The following DENND1A variants were observed in gnomAD, a reference collection of about 807,000 sequenced individuals.
The protein encoded by DENND1A is DENN domain containing 1A, also known as DENN domain-containing protein 1A.
Under a neutral mutation model 113.7 loss-of-function variants are expected in DENND1A, and 51 were observed. The ratio of observed to expected loss-of-function variants is 0.45; its 90% CI spans 0.36 to 0.57. DENND1A has a LOEUF of 0.57. DENND1A is among the 20% of genes least tolerant of loss of function. The pLI is 0.00. For missense variants in DENND1A, 1,258 were observed against 1,395.9 expected (o/e 0.90, Z 1.57); for synonymous variants, 565 against 570.8 (o/e 0.99, Z 0.14).
intron 12 of DENND1A, among the ~76,000 whole-genome samples, chr9:123,582,310 G>A (rs945175807): frequency 2.6e-5 from 4 of 152,340 alleles, no homozygotes; most frequent in South Asian, 2.1e-4. Context: ...CCCACAGGAA[G>A]AGGAGAGGTC....
At chr9:123,497,386 T>C (rs2052022747) in intron 13 of DENND1A, among the ~76,000 whole-genome samples, 1 of 152,240 alleles carries the variant, frequency 6.6e-6, no homozygotes, top group South Asian at 2.1e-4. Context: ...GGCATGATCA[T>C]GAGTTGCTGT....
intron 19 of DENND1A, among the ~76,000 whole-genome samples, chr9:123,431,871 T>C (rs2046157107): frequency 6.6e-6 from 1 of 152,140 alleles, no homozygotes; most frequent in African/African-American, 2.4e-5. Context: ...AGTGCTCAAG[T>C]CCTAGAAGGA....
chr9:123,900,347 C>A (rs1851413535), intron 1 of DENND1A, among the ~76,000 whole-genome samples: 2 of 152,172 alleles, frequency 1.3e-5, no homozygotes, highest in Admixed American at 1.3e-4. Context: ...GCAAGTCACT[C>A]AAGGTTTAAC....
At chr9:123,674,838 TC>T (rs1464166144) in intron 6 of DENND1A, among the ~76,000 whole-genome samples, 6 of 133,832 alleles carry the variant, frequency 4.5e-5, no homozygotes, top group African/African-American at 2.0e-4. Context: ...TGAGTTTTTT[TC>T]TCTTTTTTTT....
intron 2 of DENND1A, among the ~76,000 whole-genome samples, chr9:123,845,440 G>T (rs1842448087): frequency 6.6e-6 from 1 of 151,716 alleles, no homozygotes; most frequent in South Asian, 2.1e-4. Flanking sequence ...TGAGGCAGAA[G>T]AATCACTTGA....
At chr9:123,589,748 A>G (rs932620946) in intron 11 of DENND1A, among the ~76,000 whole-genome samples, 1 of 151,574 alleles carries the variant, frequency 6.6e-6, no homozygotes, top group Admixed American at 6.6e-5. Flanking sequence ...ACTTTCCCAT[A>G]TATATTGTTA....
At chr9:123,721,001 C>G (rs544880888) in intron 5 of DENND1A, among the ~76,000 whole-genome samples, 1 of 152,226 alleles carries the variant, frequency 6.6e-6, no homozygotes, top group Non-Finnish European at 1.5e-5. Flanking sequence ...CTCCAAGTGT[C>G]TGACCCAGAA....
At chr9:123,434,211 G>A (rs1162068574) in intron 19 of DENND1A, among the ~76,000 whole-genome samples, 2 of 152,160 alleles carry the variant, frequency 1.3e-5, no homozygotes, top group Non-Finnish European at 2.9e-5. Flanking sequence ...ATTTTTAGTA[G>A]AGACAGGGTT....
chr9:123,731,600 C>T (rs938349726), intron 5 of DENND1A, among the ~76,000 whole-genome samples: 1 of 152,068 alleles, frequency 6.6e-6, no homozygotes, highest in African/African-American at 2.4e-5. Flanking sequence ...ACAGGTAAAA[C>T]ATAAAACTAT....
At chr9:123,584,006 T>C (rs1366203020) in intron 11 of DENND1A, among the ~76,000 whole-genome samples, 2 of 152,204 alleles carry the variant, frequency 1.3e-5, no homozygotes, top group Admixed American at 6.5e-5. Context: ...CCATAGCCTA[T>C]GTGAGTCCAA....
chr9:123,849,027 G>A (rs940776915), intron 2 of DENND1A, among the ~76,000 whole-genome samples: 3 of 152,162 alleles, frequency 2.0e-5, no homozygotes, highest in African/African-American at 7.2e-5. Flanking sequence ...AAAAGTGCAA[G>A]GTGAAGCTGC....
intron 11 of DENND1A, among the ~76,000 whole-genome samples, chr9:123,588,768 A>ATT (rs1249188721): frequency 0.01 from 1,401 of 133,556 alleles, 22 homozygotes; most frequent in African/African-American, 0.031. Flanking sequence ...AAATAATTCT[A>ATT]TTTTGTTTTT....
chr9:123,408,958 T>C (rs2044097416), intron 20 of DENND1A, among the ~76,000 whole-genome samples: 1 of 152,248 alleles, frequency 6.6e-6, no homozygotes, highest in African/African-American at 2.4e-5. Context: ...GAGAGCTACC[T>C]GCTGCTGACT....
At chr9:123,670,934 G>A (rs1589602776) in intron 7 of DENND1A, among the ~76,000 whole-genome samples, 2 of 152,172 alleles carry the variant, frequency 1.3e-5, no homozygotes, top group East Asian at 1.9e-4. Context: ...AAAGGGACAT[G>A]TACAGCAGTG....
At chr9:123,686,738 G>T (rs1484063399) in intron 5 of DENND1A, among the ~76,000 whole-genome samples, 1 of 152,124 alleles carries the variant, frequency 6.6e-6, no homozygotes, top group East Asian at 1.9e-4. Context: ...ATATTTTTAA[G>T]AACTTTTTCT....
intron 5 of DENND1A, among the ~76,000 whole-genome samples, chr9:123,687,116 A>G (rs1446997453): frequency 6.6e-6 from 1 of 152,188 alleles, no homozygotes; most frequent in Non-Finnish European, 1.5e-5. Context: ...GCAGGCAGGT[A>G]AAGAAAGGAA....
In DENND1A at chr9:123,670,149, C is replaced by T. The variant is rs182104920; in HGVS notation, c.453+1142G>A. 4.4e-3 allele frequency among the ~76,000 whole-genome samples: 669 copies of T among 152,240 alleles called. 5 individuals carry two copies. The highest frequency in any genetic ancestry group is 7.4e-3 in the Non-Finnish European group (503 of 68,014). On this transcript the variant is annotated intron_variant, in intron 7 of 23. Transcript: ENST00000394215. ...TTATTAATTACTGGTAGTAACACTGCTTTCAATTTTATCATCATTTTGAAA... is the reference window on the plus strand; with the variant it reads ...TTATTAATTACTGGTAGTAACACTGTTTTCAATTTTATCATCATTTTGAAA...
chr9:123,805,881 A>G (rs183702466), intron 2 of DENND1A, among the ~76,000 whole-genome samples: 3 of 152,336 alleles, frequency 2.0e-5, no homozygotes, highest in East Asian at 3.9e-4. Flanking sequence ...TATGCTACCA[A>G]TAAGCAATTA....
chr9:123,396,901 G>A (rs577159134), intron 21 of DENND1A, among the ~76,000 whole-genome samples: 10 of 152,304 alleles, frequency 6.6e-5, no homozygotes, highest in African/African-American at 2.4e-4. Context: ...AAGTTATACA[G>A]CAATATGGAG....
Sources: gnomAD v4.1 joint callset for allele counts (sites outside exome capture counted in the v4.1 genomes callset) on GRCh38, gnomAD v4.1.1 for gene constraint, MANE v1.5 for transcripts, NCBI Gene and HGNC (gene_info 2026-07-23, HGNC 2026-07-21) for gene names.